Variants in IL17RA observed in about 807,000 individuals in gnomAD.
The protein encoded by IL17RA is interleukin-17 receptor A.
IL17RA carries 34 observed loss-of-function variants against 50.4 expected under a neutral mutation model. That is an observed-to-expected ratio of 0.67 (90% CI 0.51 to 0.90). IL17RA has a LOEUF of 0.90. Among genes scored for constraint, IL17RA ranks in the 40% least tolerant of loss-of-function variants. The pLI is 0.00. For missense variants in IL17RA, 1,276 were observed against 1,169.8 expected, an observed-to-expected ratio of 1.09 and a Z score of -1.32; for synonymous variants, 585 against 510.4, an observed-to-expected ratio of 1.15 and a Z score of -1.97.
chr22:17,086,558 G>A (rs1178996016), intron 1 of IL17RA, among the ~76,000 whole-genome samples: 2 of 152,090 alleles, frequency 1.3e-5, no homozygotes, highest in Non-Finnish European at 2.9e-5. Context: ...AGAGTACAGG[G>A]CGCCATACTG....
chr22:17,089,451 A>G (rs1197639733), intron 1 of IL17RA, among the ~76,000 whole-genome samples: 1 of 152,194 alleles, frequency 6.6e-6, no homozygotes, highest in Non-Finnish European at 1.5e-5. Context: ...GCCAGACACA[A>G]AAGAGGAGCT....
At chr22:17,103,457 C>A in intron 7 of IL17RA, 37 bp from the exon 8 acceptor site, 1 of 1,580,912 alleles carries the variant, frequency 6.3e-7, no homozygotes, top group Non-Finnish European at 8.7e-7. Context: ...CCTTACCCAT[C>A]CCAACTAGCC....
At position 17,094,697 on chromosome 22, in the gene IL17RA, A is replaced by ATG. The variant is rs2061362184; in HGVS notation, c.139-2364_139-2363insGT. 3.8e-5 allele frequency among the ~76,000 whole-genome samples: 2 copies of ATG among 52,650 alleles called. 1 individual carries two copies. The highest frequency in any genetic ancestry group is 6.6e-5 in the Non-Finnish European group (2 of 30,216). The allele number at this position is 52,650 out of a possible 152,430, so 34.5% of individuals were successfully genotyped here. ...TCTCTCTCTCTCTCTCTCTCTATAT[A>ATG]TATATATATATATATATATATTCAG... On this transcript the variant is annotated intron_variant, in intron 1 of 12. Transcript: ENST00000319363.
chr22:17,109,622 C>G lies in IL17RA; in HGVS notation c.2403C>G (p.Ser801=), dbSNP rs1170238029. The stretch of plus-strand genomic sequence containing the variant: ...ACCAGGGCTACATCTCCAGGAGCTC[C>G]CCGCAGCCCCCCGAGGGACTCACGG... ...QSDQGYISRS[S]PQPPEGLTEM... The change falls in exon 13 of 13, where the codon TCC becomes TCG. Residue 801 remains serine, a synonymous_variant. Coordinates refer to ENST00000319363, the MANE Select transcript of IL17RA (RefSeq NM_014339.7). 20 of 1,607,716 alleles carry G rather than the reference C, an allele frequency of 1.2e-5. No individual in the cohort carries two copies. The highest frequency in any genetic ancestry group is 2.7e-5 in the African/African-American group (2 of 74,840).
Position 17,102,254 on chromosome 22 carries a change from G to A in IL17RA, c.714G>A (p.Pro238=), listed in dbSNP as rs146464762. The A allele has an allele frequency of 3.5e-5, 57 of 1,613,984 alleles. No homozygotes were observed. The highest frequency in any genetic ancestry group is 2.9e-4 in the South Asian group (26 of 91,084). Residue 238 remains proline (P), a synonymous_variant, in exon 7 of 13, where the codon CCG becomes CCA. Coordinates refer to ENST00000319363, the MANE Select transcript of IL17RA (RefSeq NM_014339.7). The part of the protein sequence containing the change: ...THYQILLTSF[P]HMENHSCFEH... ...ACCAGATCCTGCTGACCAGTTTTCC[G>A]CACATGGAGAACCACAGTTGCTTTG...
Position 17,097,856 on chromosome 22 carries a change from G to A in IL17RA, c.223G>A (p.Asp75Asn), listed in dbSNP as rs143198423. Residue 75 changes from aspartate (D) to asparagine (N), a missense_variant, in exon 3 of 13, where the codon GAC (aspartate) becomes AAC (asparagine). By Grantham distance (23) the Asp-to-Asn change is conservative. Transcript: ENST00000319363. ...AAACCTGACCCCCTCCTCCCCAAAG[G>A]ACCTGCAGATCCAGCTGCACTTTGC... ...PRNLTPSSPK[D>N]LQIQLHFAHT... The A allele has an allele frequency of 1.5e-5, 24 of 1,614,160 alleles. No individual in the cohort carries two copies. In the African/African-American group the frequency reaches 3.1e-4, roughly 21 times the overall value.
At chr22:17,105,743 C>T (rs1191106165) in intron 10 of IL17RA, 110 bp from the exon 11 acceptor site, 20 of 1,374,448 alleles carry the variant, frequency 1.5e-5, no homozygotes, top group Non-Finnish European at 1.5e-5. Context: ...CATGGTTTGT[C>T]GTGGTGGGGC....
At position 17,087,295 on chromosome 22, in the gene IL17RA, G is replaced by A. The variant is rs41359047; in HGVS notation, c.138+2066G>A. 4.4e-3 allele frequency among the ~76,000 whole-genome samples: 663 copies of A among 152,310 alleles called. 6 individuals carry two copies. Among genetic ancestry groups the A allele is most frequent in the African/African-American group, 0.015 (627 of 41,560 alleles). On this transcript the variant is annotated intron_variant, in intron 1 of 12. Coordinates refer to ENST00000319363, the MANE Select transcript of IL17RA (RefSeq NM_014339.7). ...CATCGCACTTACTGTCTCTGCAGTC[G>A]GGCTTTGAGGCTGCCTGGGCCTGGG...
Position 17,109,799 on chromosome 22 carries a change from G to A in IL17RA, c.2580G>A (p.Glu860=). The A allele has an allele frequency of 1.3e-6, 2 of 1,550,026 alleles. No individual in the cohort carries two copies. The highest frequency in any genetic ancestry group is 1.7e-6 in the Non-Finnish European group (2 of 1,147,178). Residue 860 remains glutamate, a synonymous_variant, in exon 13 of 13, where the codon GAG becomes GAA. Transcript: ENST00000319363. The part of the protein sequence containing the change: ...KNSGWDTMGS[E]SEGPSA ...CGGGCTGGGACACGATGGGGTCAGA[G>A]TCAGAGGGGCCCAGTGCATGAGGGC... is the stretch of plus-strand genomic sequence containing the variant.
At chr22:17,100,004 C>G (rs2061384011) in intron 4 of IL17RA, among the ~76,000 whole-genome samples, 1 of 152,080 alleles carries the variant, frequency 6.6e-6, no homozygotes, top group Admixed American at 6.6e-5. Flanking sequence ...CTCCATAGCC[C>G]CAAGTCCCCT....
At position 17,114,575 on chromosome 22, in the gene IL17RA, A is replaced by G. The variant is rs1027669214; in HGVS notation, c.*4755A>G. 9 of 152,320 alleles carry G rather than the reference A, an allele frequency of 5.9e-5. No homozygotes were observed. Among genetic ancestry groups the G allele is most frequent in the African/African-American group, 2.2e-4 (9 of 41,436 alleles). 9.4% of individuals were successfully genotyped at this position (152,320 alleles called of 1,614,324 possible). ...GACAGGAAGAAGGTACACAGTGACC[A>G]GGTAGGAGGAGGAGAGGGAGTAGAA... On this transcript the variant is annotated 3_prime_UTR_variant, in exon 13 of 13. Transcript: ENST00000319363.
chr22:17,096,093 C>G (rs147707150), intron 1 of IL17RA, among the ~76,000 whole-genome samples: 1 of 152,114 alleles, frequency 6.6e-6, no homozygotes, highest in African/African-American at 2.4e-5. Context: ...CCCCGGGATG[C>G]GTTTGGTCTG....
Position 17,114,385 on chromosome 22 carries a change from A to AG in IL17RA, c.*4566dup, listed in dbSNP as rs1365767015. 6.6e-5 allele frequency: 10 copies of AG among 152,330 alleles called. No individual in the cohort carries two copies. Among genetic ancestry groups the AG allele is most frequent in the Admixed American group, 4.6e-4 (7 of 15,292 alleles). 9.4% of individuals were successfully genotyped at this position (152,330 alleles called of 1,614,324 possible). On this transcript the variant is annotated 3_prime_UTR_variant, in exon 13 of 13. Transcript: ENST00000319363. ...AAGCAGGCAGTCACCCGGGTGGGCC[A>AG]GTCTTGCCTGTGGGAGGAACATGCA...
intron 1 of IL17RA, chr22:17,093,667 C>T: frequency 5.8e-6 from 1 of 173,644 alleles, no homozygotes. Flanking sequence ...AATGGGTACA[C>T]AGGTAACCAA....
In IL17RA at chr22:17,100,500, G is replaced by A. The variant is rs1483663635; in HGVS notation, c.550+19G>A. The A allele has an allele frequency of 6.2e-7, 1 of 1,613,388 alleles. No homozygotes were observed. The highest frequency in any genetic ancestry group is 8.5e-7 in the Non-Finnish European group (1 of 1,180,006). On this transcript the variant is annotated intron_variant, in intron 5 of 12. Transcript: ENST00000319363. ...GTGCCTGGTAAGAGCATCCTCCCAA[G>A]ACATTCCCTCCCCAATGGCCTCTGT...
chr22:17,106,689 C>A (rs1171660363), intron 11 of IL17RA, among the ~76,000 whole-genome samples: 1 of 152,128 alleles, frequency 6.6e-6, no homozygotes, highest in African/African-American at 2.4e-5. Flanking sequence ...AAGCTGTTTC[C>A]ACCCTTCCCT....
At position 17,085,144 on chromosome 22, in the gene IL17RA, T is replaced by C. The variant is rs2061321486; in HGVS notation, c.53T>C (p.Leu18Pro). 4 of 1,506,350 alleles carry C rather than the reference T, an allele frequency of 2.7e-6. No homozygotes were observed. The highest frequency in any genetic ancestry group is 3.5e-6 in the Non-Finnish European group (4 of 1,132,992). 93.3% of individuals were successfully genotyped at this position (1,506,350 alleles called of 1,614,324 possible). A position where few individuals can be genotyped will look rare whatever the true frequency, so the allele number is the denominator to read the frequency against. The change falls in exon 1 of 13, where the codon CTG becomes CCG. Residue 18 changes from leucine to proline, a missense_variant. Physicochemically the swap from Leu to Pro is moderately conservative, Grantham distance 98. Transcript: ENST00000319363. ...GCTGTCCCGGGGCCCCTGCTGGGGC[T>C]GCTCCTGCTGCTCCTGGGCGTGCTG... ...PSAVPGPLLG[L>P]LLLLLGVLAP...
At chr22:17,101,589 T>C (rs750185911) in intron 5 of IL17RA, among the ~76,000 whole-genome samples, 1 of 152,218 alleles carries the variant, frequency 6.6e-6, no homozygotes, top group Non-Finnish European at 1.5e-5. Flanking sequence ...GTGAATCTCC[T>C]CAGTTCTCGC....
intron 1 of IL17RA, among the ~76,000 whole-genome samples, chr22:17,086,854 G>A (rs925361242): frequency 6.6e-6 from 1 of 152,210 alleles, no homozygotes; most frequent in African/African-American, 2.4e-5. Flanking sequence ...TGGCCGGAAT[G>A]GAGGGTCTGT....
Sources: allele counts gnomAD v4.1 joint callset (sites outside exome capture counted in the v4.1 genomes callset), GRCh38; gene constraint gnomAD v4.1.1; transcripts MANE v1.5; gene names NCBI Gene and HGNC (gene_info 2026-07-23, HGNC 2026-07-21).